MDGA2: variants seen among roughly 807,000 people sequenced by gnomAD.
MDGA2 encodes MAM domain-containing glycosylphosphatidylinositol anchor protein 2.
In MDGA2, 40 loss-of-function variants were observed where a neutral mutation model predicts 117.8. That is an observed-to-expected ratio of 0.34 (90% CI 0.26 to 0.44). The LOEUF is 0.44. Ranked by LOEUF, MDGA2 falls within the 20% of genes least tolerant of loss-of-function variation. The probability of loss-of-function intolerance (pLI) is 1.00; values close to 1 mark genes in which losing one functional copy is unlikely to be tolerated. For synonymous variants in MDGA2, 452 were observed against 439.0 expected (o/e 1.03, Z -0.37); for missense variants, 1,123 against 1,250.6 (o/e 0.90, Z 1.54).
chr14:47,036,065 C>T (rs893723543), intron 7 of MDGA2, among the ~76,000 whole-genome samples: 5 of 151,568 alleles, frequency 3.3e-5, no homozygotes, highest in African/African-American at 4.8e-5. Flanking sequence ...GTCAGGAGAT[C>T]GAGACCATCC....
intron 1 of MDGA2, among the ~76,000 whole-genome samples, chr14:47,504,752 T>C (rs1182291879): frequency 6.6e-6 from 1 of 152,156 alleles, no homozygotes; most frequent in Non-Finnish European, 1.5e-5. Context: ...CGTGGGATAG[T>C]AAACTAGTAC....
At chr14:47,590,086 G>A (rs1430535577) in intron 1 of MDGA2, among the ~76,000 whole-genome samples, 1 of 151,814 alleles carries the variant, frequency 6.6e-6, no homozygotes, top group African/African-American at 2.4e-5. Context: ...GTGTGTGCGT[G>A]TGTGTATTCC....
At chr14:47,525,080 T>C (rs1242758767) in intron 1 of MDGA2, among the ~76,000 whole-genome samples, 1 of 152,190 alleles carries the variant, frequency 6.6e-6, no homozygotes, top group Non-Finnish European at 1.5e-5. Flanking sequence ...TCAGCTTCAT[T>C]TGTTAAACTT....
intron 9 of MDGA2, among the ~76,000 whole-genome samples, chr14:46,934,176 A>G (rs564927877): frequency 1.3e-5 from 2 of 152,060 alleles, no homozygotes; most frequent in Non-Finnish European, 2.9e-5. Flanking sequence ...CAAATTATCT[A>G]TCCTCTTGTT....
intron 1 of MDGA2, among the ~76,000 whole-genome samples, chr14:47,381,126 T>C (rs767830761): frequency 1.6e-4 from 25 of 152,136 alleles, no homozygotes; most frequent in Non-Finnish European, 2.9e-4. Context: ...ATTATCTCAA[T>C]AGATGCAGAA....
chr14:47,391,858 A>G (rs1376497822), intron 1 of MDGA2, among the ~76,000 whole-genome samples: 1 of 114,912 alleles, frequency 8.7e-6, no homozygotes, highest in Non-Finnish European at 1.9e-5. Context: ...TATCTCAAAG[A>G]TTTGATTTAA....
At chr14:47,224,283 T>TATAGATATAGATATAGATATAGATATA (rs372243962) in intron 2 of MDGA2, among the ~76,000 whole-genome samples, 2 of 134,078 alleles carry the variant, frequency 1.5e-5, no homozygotes, top group Non-Finnish European at 3.3e-5. Context: ...CAATAGAGTC[T>TATAGATATAGATATAGATATAGATATA]GATATAGATA....
At chr14:47,398,005 A>G (rs1035784765) in intron 1 of MDGA2, among the ~76,000 whole-genome samples, 1 of 152,154 alleles carries the variant, frequency 6.6e-6, no homozygotes. Flanking sequence ...TTTTATCCTC[A>G]CAACATCGCT....
intron 3 of MDGA2, among the ~76,000 whole-genome samples, chr14:47,174,685 A>G (rs976892028): frequency 6.6e-6 from 1 of 152,194 alleles, no homozygotes; most frequent in Admixed American, 6.5e-5. Flanking sequence ...AAACGCCCAC[A>G]AGAGAAAGCA....
chr14:47,542,511 T>C (rs1025939264), intron 1 of MDGA2, among the ~76,000 whole-genome samples: 3 of 152,216 alleles, frequency 2.0e-5, no homozygotes, highest in African/African-American at 7.2e-5. Context: ...ATGATTAGTG[T>C]AGTTGATGCT....
chr14:47,200,768 C>T, intron 3 of MDGA2: 1 of 842,522 alleles, frequency 1.2e-6, no homozygotes, highest in Non-Finnish European at 2.0e-6. Context: ...GTGAGCCAGG[C>T]GCCCCAGTTA....
At chr14:46,840,071 A>G (rs1323417671), downstream of MDGA2, 1 of 152,466 alleles carries the variant, frequency 6.6e-6, no homozygotes, top group Admixed American at 6.6e-5. Context: ...ATTGCTCAAC[A>G]AACACACATA....
At chr14:47,252,773 A>G (rs1269594663) in intron 2 of MDGA2, among the ~76,000 whole-genome samples, 1 of 152,206 alleles carries the variant, frequency 6.6e-6, no homozygotes, top group Admixed American at 6.5e-5. Context: ...TGATTTCTCA[A>G]TAAAGGAAGA....
intron 1 of MDGA2, among the ~76,000 whole-genome samples, chr14:47,449,868 C>T (rs1186601127): frequency 1.3e-5 from 2 of 152,004 alleles, no homozygotes; most frequent in Non-Finnish European, 2.9e-5. Context: ...GAGTTGCTAC[C>T]TAAAAATGTG....
At chr14:47,503,067 C>T (rs1012521616) in intron 1 of MDGA2, among the ~76,000 whole-genome samples, 1 of 152,166 alleles carries the variant, frequency 6.6e-6, no homozygotes, top group Admixed American at 6.5e-5. Context: ...CCCCGTTTAA[C>T]ATTTAAAAAT....
intron 1 of MDGA2, among the ~76,000 whole-genome samples, chr14:47,426,280 G>A (rs1892687329): frequency 6.6e-6 from 1 of 151,982 alleles, no homozygotes. Flanking sequence ...TTACAGTGGT[G>A]ATCTAATGGT....
Position 47,061,898 on chromosome 14 carries a change from G to A in MDGA2, c.1196-320C>T, listed in dbSNP as rs1889897046. 2.0e-5 allele frequency among the ~76,000 whole-genome samples: 3 copies of A among 152,046 alleles called. No individual in the cohort carries two copies. The South Asian group carries it at 6.2e-4, about 32-fold the overall frequency. ...TATTGACATTGAATTTTGAACAAATGACAGATTCTATGTAGTCATAGCATA... is the reference window on the plus strand; with the variant it reads ...TATTGACATTGAATTTTGAACAAATAACAGATTCTATGTAGTCATAGCATA... On this transcript the variant is annotated intron_variant, in intron 6 of 16. Coordinates refer to ENST00000399232, the MANE Select transcript of MDGA2 (RefSeq NM_001113498.3).
At chr14:47,018,949 C>T (rs2138573970) in intron 8 of MDGA2, among the ~76,000 whole-genome samples, 1 of 152,188 alleles carries the variant, frequency 6.6e-6, no homozygotes, top group East Asian at 1.9e-4. Flanking sequence ...ACCTCTGAAA[C>T]CTACCTTAAA....
chr14:47,312,013 G>A (rs1347112069), intron 1 of MDGA2, among the ~76,000 whole-genome samples: 1 of 152,038 alleles, frequency 6.6e-6, no homozygotes, highest in Non-Finnish European at 1.5e-5. Context: ...GTTAATTGGT[G>A]CCATGAGAAT....
Sources: gnomAD v4.1 joint callset for allele counts (sites outside exome capture counted in the v4.1 genomes callset) on GRCh38, gnomAD v4.1.1 for gene constraint, MANE v1.5 for transcripts, NCBI Gene and HGNC (gene_info 2026-07-23, HGNC 2026-07-21) for gene names.